Variants in R3HDM1 observed in about 807,000 individuals in gnomAD.
The protein encoded by R3HDM1 is R3H domain containing 1.
R3HDM1 carries 46 observed loss-of-function variants against 141.1 expected under a neutral mutation model. The ratio of observed to expected loss-of-function variants is 0.33; its 90% CI spans 0.26 to 0.42. R3HDM1 has a LOEUF of 0.42. R3HDM1 is among the 10% of genes least tolerant of loss of function. The pLI, the probability that R3HDM1 is intolerant of heterozygous loss-of-function variation, is 1.00. For missense variants in R3HDM1, 1,184 were observed against 1,368.3 expected, an observed-to-expected ratio of 0.87 and a Z score of 2.12; for synonymous variants, 435 against 472.9, an observed-to-expected ratio of 0.92 and a Z score of 1.04.
rs981195553 is a variant in R3HDM1 at position 135,586,733 on chromosome 2, A to G, written c.-249-15767A>G. On this transcript the variant is annotated intron_variant, in intron 1 of 26. Coordinates refer to ENST00000683871, the MANE Select transcript of R3HDM1 (RefSeq NM_001378107.1). Reference sequence around the variant, plus strand: ...CATTTACTTCTCAGCTGTAGCACCAATTTCTTCTCCCCACCCCTCACATGT... The same window carrying G: ...CATTTACTTCTCAGCTGTAGCACCAGTTTCTTCTCCCCACCCCTCACATGT... The G allele has an allele frequency of 6.1e-5, 60 of 985,146 alleles. 1 individual carries two copies. The highest frequency in any genetic ancestry group is 3.3e-4 in the South Asian group (7 of 21,288). The allele number at this position is 985,146 out of a possible 1,614,324, so 61.0% of individuals were successfully genotyped here.
At chr2:135,627,235 A>G (rs1315529671) in intron 7 of R3HDM1, among the ~76,000 whole-genome samples, 1 of 152,162 alleles carries the variant, frequency 6.6e-6, no homozygotes, top group Non-Finnish European at 1.5e-5. Flanking sequence ...TTCCCCCTGA[A>G]GCATTCAGGG....
At chr2:135,549,835 A>T (rs1699511199) in intron 1 of R3HDM1, 2 of 412,058 alleles carry the variant, frequency 4.9e-6, no homozygotes, top group Non-Finnish European at 6.5e-6. Flanking sequence ...AACATTGTGA[A>T]TAGACTAAAT....
At position 135,650,520 on chromosome 2, in the gene R3HDM1, A is replaced by G. The variant is rs146265571; in HGVS notation, c.1725+517A>G. ...TTTCTTCTATCCAAAGTATGCCCCA[A>G]TTTTTATTGGAATAAGAAAATGACT... On this transcript the variant is annotated intron_variant, in intron 17 of 26. Transcript: ENST00000683871. 23 of 982,910 alleles carry G rather than the reference A, an allele frequency of 2.3e-5. No individual in the cohort carries two copies. The East Asian group carries it at 4.5e-4, about 19-fold the overall frequency. The allele number at this position is 982,910 out of a possible 1,614,324, so 60.9% of individuals were successfully genotyped here.
At chr2:135,636,713 T>G (rs2063288808) in intron 11 of R3HDM1, among the ~76,000 whole-genome samples, 1 of 152,074 alleles carries the variant, frequency 6.6e-6, no homozygotes, top group African/African-American at 2.4e-5. Flanking sequence ...AGAATCAATT[T>G]GTTTTTTGTC....
At chr2:135,541,834 A>G (rs1486130907) in intron 1 of R3HDM1, among the ~76,000 whole-genome samples, 1 of 148,664 alleles carries the variant, frequency 6.7e-6, no homozygotes, top group African/African-American at 2.5e-5. Context: ...AAGAGTTGCC[A>G]CAAACCTTCA....
chr2:135,665,840 A>G (rs2067411769), intron 19 of R3HDM1, among the ~76,000 whole-genome samples: 1 of 152,172 alleles, frequency 6.6e-6, no homozygotes, highest in African/African-American at 2.4e-5. Flanking sequence ...TGAAAGCATG[A>G]CATCAAACGG....
Position 135,680,071 on chromosome 2 carries a change from A to T in R3HDM1, c.2308-102A>T, listed in dbSNP as rs778812929. On this transcript the variant is annotated intron_variant, in intron 20 of 26. Transcript: ENST00000683871. ...CTCCAGCCTGGGCAACAGAGCAAGA[A>T]TTCATCTCGAAAAAAATAAAGTTTA... 7.4e-6 allele frequency: 9 copies of T among 1,223,172 alleles called. No homozygotes were observed. The South Asian group carries it at 8.5e-5, about 12-fold the overall frequency. 75.8% of individuals were successfully genotyped at this position (1,223,172 alleles called of 1,614,324 possible).
intron 1 of R3HDM1, among the ~76,000 whole-genome samples, chr2:135,586,020 G>A (rs1212337276): frequency 6.6e-6 from 1 of 152,122 alleles, no homozygotes; most frequent in African/African-American, 2.4e-5. Context: ...ATTTAAAAAT[G>A]ATATATTAAC....
At chr2:135,544,252 ATATACT>A (rs2104905577) in intron 1 of R3HDM1, among the ~76,000 whole-genome samples, 1 of 152,344 alleles carries the variant, frequency 6.6e-6, no homozygotes, top group Non-Finnish European at 1.5e-5. Context: ...GGAATTTTAA[ATATACT>A]TATGTAGTAA....
intron 1 of R3HDM1, among the ~76,000 whole-genome samples, chr2:135,559,797 T>A (rs1433601659): frequency 6.6e-6 from 1 of 152,256 alleles, no homozygotes; most frequent in Non-Finnish European, 1.5e-5. Flanking sequence ...CAGAGCTCTT[T>A]ATGTTTTTGG....
intron 6 of R3HDM1, 32 bp downstream of exon 6, chr2:135,621,640 A>C: frequency 6.6e-7 from 1 of 1,505,802 alleles, no homozygotes; most frequent in Non-Finnish European, 8.9e-7. Flanking sequence ...TTTTAAAAAA[A>C]AATTTTGCTA....
In R3HDM1 at chr2:135,549,493, G is replaced by A. The variant is rs540926336; in HGVS notation, c.-250+17860G>A. Among the ~76,000 whole-genome samples the A allele has an allele frequency of 2.4e-4, 36 of 149,038 alleles. No homozygotes were observed. The South Asian group carries it at 5.9e-3, about 24-fold the overall frequency. ...GGAGAATCCCTTGAACTCGGGAGGC[G>A]GATATTGCAGTAAGCCGACATTGCG... On this transcript the variant is annotated intron_variant, in intron 1 of 26. Coordinates refer to ENST00000683871, the MANE Select transcript of R3HDM1 (RefSeq NM_001378107.1).
chr2:135,681,976 A>C (rs2070387372), intron 21 of R3HDM1, among the ~76,000 whole-genome samples: 2 of 151,318 alleles, frequency 1.3e-5, no homozygotes, highest in Admixed American at 1.3e-4. Context: ...TACTTGGTTA[A>C]ATTTCGCATT....
chr2:135,582,556 G>A (rs1410465620), intron 1 of R3HDM1, among the ~76,000 whole-genome samples: 1 of 152,084 alleles, frequency 6.6e-6, no homozygotes, highest in African/African-American at 2.4e-5. Context: ...ATACCACTTG[G>A]GGAGATCAGC....
intron 1 of R3HDM1, among the ~76,000 whole-genome samples, chr2:135,552,230 C>T (rs1699966760): frequency 6.6e-6 from 1 of 151,828 alleles, no homozygotes; most frequent in Admixed American, 6.6e-5. Context: ...GGGTCTTGCT[C>T]TCTCACCCAG....
At chr2:135,676,064 A>G (rs1171705125) in intron 20 of R3HDM1, among the ~76,000 whole-genome samples, 3 of 152,162 alleles carry the variant, frequency 2.0e-5, no homozygotes, top group African/African-American at 7.2e-5. Context: ...AGTGGCTCAC[A>G]CCTGTAATGT....
In R3HDM1 at chr2:135,621,534, A is replaced by C; in HGVS notation, c.344A>C (p.Glu115Ala). Residue 115 changes from glutamate (E) to alanine (A), a missense_variant, in exon 6 of 27, where the codon GAA becomes GCA. Physicochemically the swap from Glu to Ala is moderately radical, Grantham distance 107. This residue lies in a region of R3HDM1 where 192 missense variants were observed against 215.7 expected (regional missense o/e 0.89). Coordinates refer to ENST00000683871, the MANE Select transcript of R3HDM1 (RefSeq NM_001378107.1). ...CAGTTAACACAATCATTTGAGAAAG[A>C]AGAGAAGCCCTCAAAAGATGAAGCA... ...QIQLTQSFEK[E>A]EKPSKDEAEK... 1 of 1,601,064 alleles carries C rather than the reference A, an allele frequency of 6.2e-7. No individual in the cohort carries two copies. Among genetic ancestry groups the C allele is most frequent in the Non-Finnish European group, 8.5e-7 (1 of 1,174,124 alleles).
intron 1 of R3HDM1, among the ~76,000 whole-genome samples, chr2:135,533,614 C>T (rs909500712): frequency 3.9e-5 from 6 of 152,232 alleles, no homozygotes; most frequent in African/African-American, 1.4e-4. Flanking sequence ...GGCGCGTTGG[C>T]GCACCTGTAA....
At chr2:135,584,916 T>C (rs1301489853) in intron 1 of R3HDM1, among the ~76,000 whole-genome samples, 1 of 152,260 alleles carries the variant, frequency 6.6e-6, no homozygotes, top group African/African-American at 2.4e-5. Context: ...CCTTGAAATA[T>C]GTTTCTCATA....
Sources: gnomAD v4.1 joint callset for allele counts (sites outside exome capture counted in the v4.1 genomes callset) on GRCh38, gnomAD v4.1.1 for gene constraint, gnomAD v4.1.1 regional missense constraint, MANE v1.5 for transcripts, NCBI Gene and HGNC (gene_info 2026-07-23, HGNC 2026-07-21) for gene names.